The following COPS7B variants were observed in gnomAD, a reference collection of about 807,000 sequenced individuals.
COPS7B encodes COP9 signalosome subunit 7B, also known as COP9 signalosome complex subunit 7b.
COPS7B carries 9 observed loss-of-function variants against 33.4 expected under a neutral mutation model. The observed-to-expected ratio is 0.27, with a 90% CI of 0.16 to 0.47. The LOEUF is 0.47. COPS7B is among the 20% of genes least tolerant of loss of function. COPS7B has a pLI of 0.99. For missense variants in COPS7B, 242 were observed against 318.2 expected, an observed-to-expected ratio of 0.76 and a Z score of 1.82; for synonymous variants, 119 against 126.3, an observed-to-expected ratio of 0.94 and a Z score of 0.39.
intron 1 of COPS7B, among the ~76,000 whole-genome samples, chr2:231,787,374 A>G (rs1574651371): frequency 6.6e-6 from 1 of 152,120 alleles, no homozygotes. Context: ...GCTGCACTCT[A>G]CTATACCGTT....
chr2:231,801,106 TTGG>T, intron 6 of COPS7B: 2 of 1,547,596 alleles, frequency 1.3e-6, no homozygotes, highest in Non-Finnish European at 1.7e-6. Flanking sequence ...TGTCAACTGA[TTGG>T]TGATCTTTTC....
chr2:231,794,479 A>G (rs2049507762), intron 4 of COPS7B, 128 bp downstream of exon 4: 1 of 698,536 alleles, frequency 1.4e-6, no homozygotes, highest in Non-Finnish European at 2.4e-6. Context: ...TGCTTGACAG[A>G]GGAAAAGATA....
intron 6 of COPS7B, among the ~76,000 whole-genome samples, chr2:231,802,665 TAAG>T (rs1268602572): frequency 3.3e-5 from 5 of 152,248 alleles, no homozygotes; most frequent in Non-Finnish European, 5.9e-5. Context: ...TTGGAATTCT[TAAG>T]AAAGTCTACG....
chr2:231,807,006 A>G (rs187917358), intron 6 of COPS7B, among the ~76,000 whole-genome samples: 1 of 152,360 alleles, frequency 6.6e-6, no homozygotes, highest in Admixed American at 6.5e-5. Context: ...TGCACACGGT[A>G]GTGTCATAGC....
intron 6 of COPS7B, among the ~76,000 whole-genome samples, chr2:231,804,818 C>A (rs1350873114): frequency 1.3e-5 from 2 of 152,120 alleles, no homozygotes; most frequent in Non-Finnish European, 2.9e-5. Flanking sequence ...AAAACACATT[C>A]CCTCAGGTAA....
chr2:231,791,710 T>G, intron 2 of COPS7B, 23 bp from the exon 3 acceptor site: 1 of 1,611,806 alleles, frequency 6.2e-7, no homozygotes, highest in Non-Finnish European at 8.5e-7. Context: ...TGGTCTGTGG[T>G]GAACTTTTTT....
At chr2:231,807,184 C>T (rs920097761) in intron 6 of COPS7B, among the ~76,000 whole-genome samples, 1 of 152,168 alleles carries the variant, frequency 6.6e-6, no homozygotes, top group East Asian at 1.9e-4. Flanking sequence ...ATTCTTGGGT[C>T]CCTCTTTCTG....
In COPS7B at chr2:231,796,217, C is replaced by G. The variant is rs1298475253; in HGVS notation, c.439C>G (p.Gln147Glu). Residue 147 changes from glutamine (Q) to glutamate (E), a missense_variant, in exon 5 of 7, where the codon CAG becomes GAG. By Grantham distance (29) the Gln-to-Glu change is conservative. Transcript: ENST00000350033. ...YTDIIQGKLD[Q>E]RNQLLEVDFC... is the part of the protein sequence containing the mutation. ...TGACATCATCCAGGGCAAGCTGGAC[C>G]AGCGAAACCAGCTGCTGGAAGTGGA... 8.7e-6 allele frequency: 14 copies of G among 1,614,078 alleles called. No homozygotes were observed. Among genetic ancestry groups the G allele is most frequent in the Non-Finnish European group, 1.2e-5 (14 of 1,180,028 alleles).
intron 6 of COPS7B, among the ~76,000 whole-genome samples, chr2:231,802,830 A>T (rs570318456): frequency 2.6e-5 from 4 of 152,316 alleles, no homozygotes; most frequent in African/African-American, 9.6e-5. Context: ...AGTGCTTCAG[A>T]AGTCTCGTTT....
chr2:231,795,990 C>A, intron 4 of COPS7B, 116 bp from the exon 5 acceptor site: 1 of 749,376 alleles, frequency 1.3e-6, no homozygotes, highest in South Asian at 1.7e-5. Context: ...TTAATAATTA[C>A]CACTAGCCTG....
upstream of COPS7B, among the ~76,000 whole-genome samples, chr2:231,784,121 A>T (rs2049185996): frequency 8.0e-6 from 1 of 125,578 alleles, no homozygotes; most frequent in African/African-American, 3.1e-5. Context: ...GTTTGGACTG[A>T]GAAGGGGGAG....
chr2:231,785,622 G>C (rs1349057746), upstream of COPS7B, among the ~76,000 whole-genome samples: 1 of 152,178 alleles, frequency 6.6e-6, no homozygotes, highest in East Asian at 1.9e-4. Context: ...TGAATGAGTT[G>C]GTTGATGCTA....
At chr2:231,792,164 A>C (rs1415881362) in intron 3 of COPS7B, 1 of 465,992 alleles carries the variant, frequency 2.1e-6, no homozygotes, top group African/African-American at 2.0e-5. Flanking sequence ...TAATACCAGC[A>C]TATTGAAGAA....
intron 1 of COPS7B, 105 bp from the exon 2 acceptor site, chr2:231,788,450 C>A: frequency 9.1e-7 from 1 of 1,101,964 alleles, no homozygotes; most frequent in Non-Finnish European, 1.3e-6. Context: ...TTTTCTTTAT[C>A]AACACTATAA....
upstream of COPS7B, among the ~76,000 whole-genome samples, chr2:231,783,692 T>G (rs2049178203): frequency 6.6e-6 from 1 of 152,184 alleles, no homozygotes; most frequent in Admixed American, 6.5e-5. Flanking sequence ...AAGGCATGGC[T>G]TGTCTTTTCA....
chr2:231,803,354 C>T (rs1183434961), intron 6 of COPS7B, among the ~76,000 whole-genome samples: 2 of 151,842 alleles, frequency 1.3e-5, no homozygotes, highest in East Asian at 1.9e-4. Flanking sequence ...GTGTGGGGGA[C>T]GAGTGTGGCT....
chr2:231,803,851 A>G (rs1164293304), intron 6 of COPS7B, among the ~76,000 whole-genome samples: 1 of 152,322 alleles, frequency 6.6e-6, no homozygotes, highest in Non-Finnish European at 1.5e-5. Context: ...GAAAAGAAAA[A>G]GAGTAAAACA....
chr2:231,787,400 C>T (rs2049281377), intron 1 of COPS7B, among the ~76,000 whole-genome samples: 1 of 152,184 alleles, frequency 6.6e-6, no homozygotes, highest in African/African-American at 2.4e-5. Context: ...TTCATTTTGT[C>T]ACGCTGCTCT....
chr2:231,806,553 CA>C (rs199988222), intron 6 of COPS7B, among the ~76,000 whole-genome samples: 1,405 of 89,710 alleles, frequency 0.016, 15 homozygotes, highest in African/African-American at 0.04. Context: ...ACTCTGTCTC[CA>C]AAAAAAAAAA....
Sources: allele counts gnomAD v4.1 joint callset (sites outside exome capture counted in the v4.1 genomes callset), GRCh38; gene constraint gnomAD v4.1.1; transcripts MANE v1.5; gene names NCBI Gene and HGNC (gene_info 2026-07-23, HGNC 2026-07-21).